Variants in CADPS2 observed in about 807,000 individuals in gnomAD.
The protein encoded by CADPS2 is calcium dependent secretion activator 2, also known as calcium-dependent secretion activator 2.
A neutral mutation model predicts 172.5 loss-of-function variants in CADPS2; 93 were observed. The ratio of observed to expected loss-of-function variants is 0.54; its 90% confidence interval spans 0.46 to 0.64. CADPS2 has a LOEUF of 0.64. Ranked by LOEUF, CADPS2 falls within the 30% of genes least tolerant of loss-of-function variation. The pLI is 0.00. For synonymous variants in CADPS2, 546 were observed against 555.2 expected (o/e 0.98, Z 0.23); for missense variants, 1,420 against 1,565.9 (o/e 0.91, Z 1.57).
chr7:122,753,748 C>T (rs1212500201), intron 1 of CADPS2, among the ~76,000 whole-genome samples: 4 of 152,162 alleles, frequency 2.6e-5, no homozygotes, highest in African/African-American at 9.7e-5. Flanking sequence ...CTAAAGCAAG[C>T]TCAGTTGTAT....
chr7:122,330,230 T>G (rs2034684816), intron 28 of CADPS2, among the ~76,000 whole-genome samples: 1 of 152,232 alleles, frequency 6.6e-6, no homozygotes, highest in Admixed American at 6.5e-5. Flanking sequence ...AGGAAATATG[T>G]ACCTTTTAAA....
chr7:122,886,242 A>T lies in CADPS2; in HGVS notation c.96T>A (p.Ala32=), dbSNP rs1314924633. 2.0e-6 allele frequency: 3 copies of T among 1,497,466 alleles called. No individual in the cohort carries two copies. The highest frequency in any genetic ancestry group is 2.9e-5 in the African/African-American group (2 of 68,102). 92.8% of individuals were successfully genotyped at this position (1,497,466 alleles called of 1,614,324 possible). ...GCCCTTCCCGAGTCGGGGCTGGAGGAGCTCGCTGCGAGCTGCCGGCTGCCA... is the reference window on the plus strand; with the variant it reads ...GCCCTTCCCGAGTCGGGGCTGGAGGTGCTCGCTGCGAGCTGCCGGCTGCCA... ...VLVAAGSSQR[A]PPAPTREGRR... is the part of the protein sequence containing the mutation. The change falls in exon 1 of 30, where the codon GCT becomes GCA. Residue 32 remains alanine, a synonymous_variant. Coordinates refer to ENST00000449022, the MANE Select transcript of CADPS2 (RefSeq NM_017954.11).
intron 1 of CADPS2, among the ~76,000 whole-genome samples, chr7:122,881,599 A>C (rs949569855): frequency 6.6e-6 from 1 of 152,164 alleles, no homozygotes; most frequent in Non-Finnish European, 1.5e-5. Context: ...AAAGGAGCAC[A>C]AAAAAATGAA....
At chr7:122,507,285 T>A (rs779374310) in intron 9 of CADPS2, among the ~76,000 whole-genome samples, 2 of 152,088 alleles carry the variant, frequency 1.3e-5, no homozygotes, top group Non-Finnish European at 1.5e-5. Context: ...AAATAAAAGC[T>A]GTAGGATGTT....
intron 14 of CADPS2, among the ~76,000 whole-genome samples, chr7:122,465,227 A>C (rs937482705): frequency 2.6e-5 from 4 of 152,234 alleles, no homozygotes; most frequent in Non-Finnish European, 5.9e-5. Context: ...CAATACATTT[A>C]ATAACTTAAA....
intron 2 of CADPS2, among the ~76,000 whole-genome samples, chr7:122,718,276 C>T (rs1209560445): frequency 2.6e-5 from 4 of 152,010 alleles, no homozygotes; most frequent in Non-Finnish European, 4.4e-5. Context: ...CATTCTCCAT[C>T]ATATTCCTAT....
intron 1 of CADPS2, among the ~76,000 whole-genome samples, chr7:122,825,650 T>G (rs1314279276): frequency 1.3e-5 from 2 of 152,170 alleles, no homozygotes; most frequent in Admixed American, 1.3e-4. Context: ...AACAAACATT[T>G]TTCCTTAATT....
chr7:122,568,866 T>C (rs1219860182), intron 7 of CADPS2, among the ~76,000 whole-genome samples: 1 of 152,112 alleles, frequency 6.6e-6, no homozygotes, highest in African/African-American at 2.4e-5. Flanking sequence ...TTTTTGTTCT[T>C]TGAAATATGA....
chr7:122,361,224 CTTTTTTTTTTTT>C (rs376434122), intron 25 of CADPS2, among the ~76,000 whole-genome samples: 1 of 103,434 alleles, frequency 9.7e-6, no homozygotes, highest in Admixed American at 1.0e-4. Flanking sequence ...AAATAATACA[CTTTTTTTTTTTT>C]TTTTTTTTTT....
At chr7:122,445,516 T>C (rs1232493477) in intron 15 of CADPS2, among the ~76,000 whole-genome samples, 1 of 152,128 alleles carries the variant, frequency 6.6e-6, no homozygotes, top group African/African-American at 2.4e-5. Flanking sequence ...TAGAAATATA[T>C]TAATATTTAT....
chr7:122,515,315 T>G (rs2060277017), intron 8 of CADPS2, among the ~76,000 whole-genome samples: 1 of 152,144 alleles, frequency 6.6e-6, no homozygotes, highest in South Asian at 2.1e-4. Flanking sequence ...CTTAAAACCC[T>G]TTGCTCCACC....
intron 2 of CADPS2, among the ~76,000 whole-genome samples, chr7:122,722,303 A>T (rs1265044054): frequency 1.3e-5 from 2 of 152,070 alleles, no homozygotes; most frequent in Non-Finnish European, 2.9e-5. Context: ...CCATCGTCTC[A>T]GCCCAAAATC....
intron 1 of CADPS2, among the ~76,000 whole-genome samples, chr7:122,739,542 A>C (rs1244711921): frequency 2.0e-5 from 3 of 152,166 alleles, no homozygotes; most frequent in African/African-American, 7.2e-5. Context: ...TGGAAGCTCC[A>C]ACAAAGTTGA....
intron 13 of CADPS2, among the ~76,000 whole-genome samples, chr7:122,473,406 G>A (rs977582140): frequency 1.3e-5 from 2 of 152,148 alleles, no homozygotes; most frequent in Non-Finnish European, 2.9e-5. Context: ...ATTAAACTCT[G>A]TTAAACTTAA....
intron 11 of CADPS2, among the ~76,000 whole-genome samples, chr7:122,485,869 T>C (rs375007141): frequency 2.0e-5 from 3 of 152,302 alleles, no homozygotes; most frequent in Admixed American, 6.5e-5. Flanking sequence ...CCAATGTTTA[T>C]TAACCATTTT....
chr7:122,624,920 A>G (rs1182256811), intron 4 of CADPS2, among the ~76,000 whole-genome samples: 1 of 152,198 alleles, frequency 6.6e-6, no homozygotes, highest in East Asian at 1.9e-4. Flanking sequence ...GCATGGAGAA[A>G]AAGTCTAGAA....
chr7:122,805,154 C>CATT (rs72001976), intron 1 of CADPS2, among the ~76,000 whole-genome samples: 7 of 151,724 alleles, frequency 4.6e-5, no homozygotes, highest in Admixed American at 1.3e-4. Flanking sequence ...CATTTTCAAT[C>CATT]ATTATTATTA....
chr7:122,418,824 G>C (rs985687023), intron 17 of CADPS2, among the ~76,000 whole-genome samples: 2 of 152,094 alleles, frequency 1.3e-5, no homozygotes, highest in African/African-American at 4.8e-5. Context: ...ATATATTTTA[G>C]CACTAACTAC....
At chr7:122,477,052 A>AG (rs1491577753) in intron 12 of CADPS2, among the ~76,000 whole-genome samples, 732 of 25,840 alleles carry the variant, frequency 0.028, 20 homozygotes, top group African/African-American at 0.079. Flanking sequence ...GGAGAGAGAG[A>AG]AGAGAGAGAG....
Sources: gnomAD v4.1 joint callset for allele counts (sites outside exome capture counted in the v4.1 genomes callset) on GRCh38, gnomAD v4.1.1 for gene constraint, MANE v1.5 for transcripts, NCBI Gene and HGNC (gene_info 2026-07-23, HGNC 2026-07-21) for gene names.